Variants in LDLRAD4 observed in about 807,000 individuals in gnomAD.
LDLRAD4 encodes low-density lipoprotein receptor class A domain-containing protein 4.
A neutral mutation model predicts 17.0 loss-of-function variants in LDLRAD4; 5 were observed. That is an observed-to-expected ratio of 0.29 (90% CI 0.15 to 0.62). The LOEUF is 0.62. LDLRAD4 is among the 20% of genes least tolerant of loss of function. The probability of loss-of-function intolerance (pLI) is 0.84; values close to 1 mark genes in which losing one functional copy is unlikely to be tolerated. For missense variants in LDLRAD4, 340 were observed against 424.7 expected (o/e 0.80, Z 1.75); for synonymous variants, 168 against 171.8 (o/e 0.98, Z 0.17).
At chr18:13,609,067 C>T (rs770727175) in intron 3 of LDLRAD4, among the ~76,000 whole-genome samples, 22 of 152,258 alleles carry the variant, frequency 1.4e-4, no homozygotes, top group Non-Finnish European at 2.5e-4. Flanking sequence ...AGAGTACTTA[C>T]GTGAAAGATG....
At chr18:13,236,675 C>T (rs888478682) in intron 1 of LDLRAD4, among the ~76,000 whole-genome samples, 4 of 152,098 alleles carry the variant, frequency 2.6e-5, no homozygotes, top group Non-Finnish European at 5.9e-5. Flanking sequence ...CTGGCGTTGC[C>T]TGTGTGGGGC....
intron 3 of LDLRAD4, among the ~76,000 whole-genome samples, chr18:13,449,367 G>A (rs1343933135): frequency 1.3e-5 from 2 of 152,234 alleles, no homozygotes; most frequent in Non-Finnish European, 2.9e-5. Flanking sequence ...CATGGCAGGG[G>A]GCTGGGCTGT....
chr18:13,467,040 C>T (rs1230005147), intron 3 of LDLRAD4, among the ~76,000 whole-genome samples: 1 of 152,152 alleles, frequency 6.6e-6, no homozygotes, highest in Non-Finnish European at 1.5e-5. Context: ...GAAAAACCTA[C>T]TAATACCATA....
rs113930754 is a variant in LDLRAD4, at chr18:13,565,359, C to T, written c.182-55758C>T. Among the ~76,000 whole-genome samples the T allele has an allele frequency of 3.3e-3, 497 of 151,572 alleles. 2 individuals carry two copies. The highest frequency in any genetic ancestry group is 0.012 in the African/African-American group (480 of 41,416). ...GCTGTGAGGGCCTGAACCACAGAAGCGAACAGCCGTTGCCAGCGCCAAGCT... is the reference window on the plus strand; with the variant it reads ...GCTGTGAGGGCCTGAACCACAGAAGTGAACAGCCGTTGCCAGCGCCAAGCT... On this transcript the variant is annotated intron_variant, in intron 3 of 5. Transcript: ENST00000359446.
At chr18:13,625,293 G>C (rs547945177) in intron 4 of LDLRAD4, among the ~76,000 whole-genome samples, 1 of 152,198 alleles carries the variant, frequency 6.6e-6, no homozygotes, top group Non-Finnish European at 1.5e-5. Context: ...TAAACTTACT[G>C]TTACGTCTTT....
rs768779 is a variant in LDLRAD4, at chr18:13,603,843, A to G, written c.182-17274A>G. Among the ~76,000 whole-genome samples the G allele has an allele frequency of 2.6e-5, 4 of 152,356 alleles. No individual in the cohort carries two copies. In the East Asian group the frequency reaches 7.7e-4, roughly 29 times the overall value. ...ATGTGAAGCAGGGACAGCAGGGACAAGGGCGGTTCCTGGCTCTCTTTGTCT... is the reference window on the plus strand; with the variant it reads ...ATGTGAAGCAGGGACAGCAGGGACAGGGGCGGTTCCTGGCTCTCTTTGTCT... On this transcript the variant is annotated intron_variant, in intron 3 of 5. Transcript: ENST00000359446.
At chr18:13,354,868 AG>A (rs2144503736) in intron 1 of LDLRAD4, among the ~76,000 whole-genome samples, 1 of 152,312 alleles carries the variant, frequency 6.6e-6, no homozygotes, top group Non-Finnish European at 1.5e-5. Flanking sequence ...CTGGCAGCTT[AG>A]GGTGGACCTT....
chr18:13,267,495 A>AT (rs1308061743), intron 1 of LDLRAD4, among the ~76,000 whole-genome samples: 2 of 152,384 alleles, frequency 1.3e-5, no homozygotes, highest in East Asian at 3.9e-4. Flanking sequence ...GCCCAGGGGC[A>AT]TAGCCTGTGA....
At chr18:13,478,931 C>G (rs2093015448) in intron 3 of LDLRAD4, among the ~76,000 whole-genome samples, 1 of 152,198 alleles carries the variant, frequency 6.6e-6, no homozygotes, top group East Asian at 1.9e-4. Flanking sequence ...ACAGATGGAT[C>G]AGTTGACAGA....
At chr18:13,500,644 C>G (rs1045644362) in intron 3 of LDLRAD4, 1 of 152,142 alleles carries the variant, frequency 6.6e-6, no homozygotes, top group Non-Finnish European at 1.5e-5. Flanking sequence ...GTCTTTTGAA[C>G]TGAAAGGAGG....
At chr18:13,242,186 C>G (rs2042693371) in intron 1 of LDLRAD4, 1 of 152,242 alleles carries the variant, frequency 6.6e-6, no homozygotes, top group African/African-American at 2.4e-5. Context: ...GACTTGTTGA[C>G]CTACTGGAAT....
intron 3 of LDLRAD4, chr18:13,515,541 G>T (rs1439284459): frequency 2.6e-5 from 4 of 152,226 alleles, no homozygotes; most frequent in African/African-American, 9.6e-5. Flanking sequence ...TGACTGATCA[G>T]ATGTATAGCA....
chr18:13,483,339 C>A (rs963337059), intron 3 of LDLRAD4, among the ~76,000 whole-genome samples: 1 of 152,210 alleles, frequency 6.6e-6, no homozygotes, highest in African/African-American at 2.4e-5. Flanking sequence ...GAACTGAGTT[C>A]TCTTCCTTGA....
intron 1 of LDLRAD4, among the ~76,000 whole-genome samples, chr18:13,316,771 A>G (rs544022615): frequency 6.6e-6 from 1 of 152,334 alleles, no homozygotes; most frequent in South Asian, 2.1e-4. Context: ...CCACTAAAAT[A>G]CTAATAATGC....
chr18:13,615,279 C>G (rs753527102), intron 3 of LDLRAD4: 2 of 152,204 alleles, frequency 1.3e-5, no homozygotes, highest in Non-Finnish European at 2.9e-5. Flanking sequence ...GACCTTGCCC[C>G]CTGACCCATG....
At chr18:13,319,261 C>A (rs2081093192) in intron 1 of LDLRAD4, among the ~76,000 whole-genome samples, 1 of 152,208 alleles carries the variant, frequency 6.6e-6, no homozygotes, top group African/African-American at 2.4e-5. Context: ...TCTGAAGTGG[C>A]CACGGCGGGT....
At chr18:13,250,049 C>T (rs995749351) in intron 1 of LDLRAD4, among the ~76,000 whole-genome samples, 1 of 152,134 alleles carries the variant, frequency 6.6e-6, no homozygotes, top group African/African-American at 2.4e-5. Flanking sequence ...CATAGGTAAA[C>T]GTGCCTAGCA....
chr18:13,270,601 A>T (rs2044478195), intron 1 of LDLRAD4, among the ~76,000 whole-genome samples: 2 of 152,184 alleles, frequency 1.3e-5, no homozygotes, highest in Non-Finnish European at 2.9e-5. Context: ...TGCAAAGTTT[A>T]TGCGTAGATG....
chr18:13,498,997 TC>T (rs1479214629), intron 3 of LDLRAD4, among the ~76,000 whole-genome samples: 3 of 132,912 alleles, frequency 2.3e-5, no homozygotes, highest in African/African-American at 8.8e-5. Context: ...TCCACACACG[TC>T]CCGCCGTGGA....
Sources: gnomAD v4.1 joint callset for allele counts (sites outside exome capture counted in the v4.1 genomes callset) on GRCh38, gnomAD v4.1.1 for gene constraint, MANE v1.5 for transcripts, NCBI Gene and HGNC (gene_info 2026-07-23, HGNC 2026-07-21) for gene names.